Variants in WASL observed in about 807,000 individuals in gnomAD.
WASL encodes the protein actin nucleation-promoting factor WASL.
Under a neutral mutation model 55.5 loss-of-function variants are expected in WASL, and 20 were observed. That is an observed-to-expected ratio of 0.36 (90% CI 0.25 to 0.52). The LOEUF is 0.52. Among genes scored for constraint, WASL ranks in the 20% least tolerant of loss-of-function variants. The pLI is 0.92. For missense variants in WASL, 504 were observed against 622.5 expected (o/e 0.81, Z 2.03); for synonymous variants, 249 against 217.6 (o/e 1.14, Z -1.27).
rs1177988064 is a variant in WASL, at chr7:123,683,633, A to G, written c.*886T>C. Reference sequence around the variant, plus strand: ...TGCTAAAATTCTACAGTATTTTAGTACTATTCTGATTTGTATAGTTTTTTT... The same window carrying G: ...TGCTAAAATTCTACAGTATTTTAGTGCTATTCTGATTTGTATAGTTTTTTT... On this transcript the variant is annotated 3_prime_UTR_variant, in exon 11 of 11. Transcript: ENST00000223023. The G allele has an allele frequency of 6.6e-6, 1 of 152,062 alleles. No homozygotes were observed. Among genetic ancestry groups the G allele is most frequent in the East Asian group, 1.9e-4 (1 of 5,196 alleles). The allele number at this position is 152,062 out of a possible 1,614,324, so 9.4% of individuals were successfully genotyped here. A position where few individuals can be genotyped will look rare whatever the true frequency, so the allele number is the denominator to read the frequency against.
rs141640994 is a variant in WASL at position 123,692,533 on chromosome 7, G to A, written c.1161C>T (p.Pro387=). ...CCCCATCAGAAGGCAGGCCAGGCGG[G>A]GGCGGTGGCCCAGGAGGAGGTGGAG... ...PPPPPPPGPP[P]PPGLPSDGDH... Residue 387 remains proline (P), a synonymous_variant, in exon 9 of 11, where the codon CCC becomes CCT. Coordinates refer to ENST00000223023, the MANE Select transcript of WASL (RefSeq NM_003941.4). 1.5e-5 allele frequency: 25 copies of A among 1,613,970 alleles called. No homozygotes were observed. Among genetic ancestry groups the A allele is most frequent in the African/African-American group, 1.2e-4 (9 of 74,920 alleles).
At chr7:123,706,023 T>C (rs1199332167) in intron 4 of WASL, among the ~76,000 whole-genome samples, 1 of 152,198 alleles carries the variant, frequency 6.6e-6, no homozygotes, top group East Asian at 1.9e-4. Context: ...ATATTATTTA[T>C]TTTAAGGTAA....
chr7:123,739,127 C>G (rs560169561), intron 1 of WASL, among the ~76,000 whole-genome samples: 1 of 152,178 alleles, frequency 6.6e-6, no homozygotes, highest in African/African-American at 2.4e-5. Context: ...TTCCAATTTT[C>G]TTTCTCCAGA....
intron 1 of WASL, among the ~76,000 whole-genome samples, chr7:123,734,533 A>G (rs960064050): frequency 6.6e-6 from 1 of 151,430 alleles, no homozygotes; most frequent in African/African-American, 2.4e-5. Context: ...TATAAAGGCT[A>G]CATACTGTAT....
At chr7:123,712,606 A>C (rs958194252) in intron 1 of WASL, among the ~76,000 whole-genome samples, 1 of 152,220 alleles carries the variant, frequency 6.6e-6, no homozygotes, top group Non-Finnish European at 1.5e-5. Context: ...CTGTATCTTT[A>C]AGTATGAAAT....
chr7:123,722,581 G>T (rs1214271950), intron 1 of WASL, among the ~76,000 whole-genome samples: 2 of 152,172 alleles, frequency 1.3e-5, no homozygotes, highest in Non-Finnish European at 1.5e-5. Flanking sequence ...ACATTGGGAG[G>T]CTGAGGCAGG....
chr7:123,710,427 A>G (rs1803736436), intron 1 of WASL, among the ~76,000 whole-genome samples: 1 of 152,100 alleles, frequency 6.6e-6, no homozygotes, highest in Non-Finnish European at 1.5e-5. Flanking sequence ...GACTACATTA[A>G]GATTTGAAGA....
chr7:123,709,198 A>T lies in WASL; in HGVS notation c.143T>A (p.Leu48Ter). The T allele has an allele frequency of 6.2e-7, 1 of 1,610,472 alleles. No homozygotes were observed. Among genetic ancestry groups the T allele is most frequent in the Non-Finnish European group, 8.5e-7 (1 of 1,178,046 alleles). ...CVTMSSAVVQ[L>*]YAADRNCMWS... is the part of the protein sequence containing the mutation. ...CATACAGTTCCGATCTGCTGCATAT[A>T]ACTGCACCACTGCTGAAGACATAGT... The change falls in exon 2 of 11, where the codon TTA becomes TAA. Residue 48 changes from leucine (L) to a stop codon, truncating the protein, a stop_gained. Coordinates refer to ENST00000223023, the MANE Select transcript of WASL (RefSeq NM_003941.4). LOFTEE classifies it high-confidence loss of function.
In WASL at chr7:123,685,863, TATAA is replaced by T. The variant is rs1167920686; in HGVS notation, c.1457-1287_1457-1284del. ...AAATATATAAATACATATACCTATATATAAATATATAAATATATATAAATATGTA... is the reference window on the plus strand; with the variant it reads ...AAATATATAAATACATATACCTATATATATATAAATATATATAAATATGTA... On this transcript the variant is annotated intron_variant, in intron 10 of 10. Coordinates refer to ENST00000223023, the MANE Select transcript of WASL (RefSeq NM_003941.4). Among the ~76,000 whole-genome samples the T allele has an allele frequency of 7.2e-5, 10 of 138,230 alleles. No individual in the cohort carries two copies. In the South Asian group the frequency reaches 1.1e-3, roughly 15 times the overall value. The allele number at this position is 138,230 out of a possible 152,430, so 90.7% of individuals were successfully genotyped here.
At chr7:123,687,804 T>C (rs1803318305) in intron 10 of WASL, among the ~76,000 whole-genome samples, 1 of 152,112 alleles carries the variant, frequency 6.6e-6, no homozygotes, top group Non-Finnish European at 1.5e-5. Context: ...AATATTTATC[T>C]CTATCTCTGT....
intron 1 of WASL, among the ~76,000 whole-genome samples, chr7:123,711,158 A>G (rs1803748922): frequency 6.6e-6 from 1 of 152,258 alleles, no homozygotes; most frequent in African/African-American, 2.4e-5. Flanking sequence ...GTTATTCAAT[A>G]GGGTCTGAAA....
intron 1 of WASL, among the ~76,000 whole-genome samples, chr7:123,728,758 C>T (rs1364474389): frequency 1.3e-5 from 2 of 151,982 alleles, no homozygotes; most frequent in Admixed American, 6.5e-5. Flanking sequence ...ATCGCTTGAA[C>T]GTGGGTGGCG....
chr7:123,696,631 C>A lies in WASL; in HGVS notation c.577G>T (p.Ala193Ser), dbSNP rs1343152519. Reference sequence around the variant, plus strand: ...GCCTTGGTTAATCTCTTCTTTTTAGCTTTTCCCTTCTTCTTTTCTTTGGTA... The same window carrying A: ...GCCTTGGTTAATCTCTTCTTTTTAGATTTTCCCTTCTTCTTTTCTTTGGTA... ...SHTKEKKKGK[A>S]KKKRLTKADI... Residue 193 changes from alanine to serine, a missense_variant, in exon 6 of 11, where the codon GCT becomes TCT. By Grantham distance (99) the Ala-to-Ser change is moderately conservative (BLOSUM62 1). Coordinates refer to ENST00000223023, the MANE Select transcript of WASL (RefSeq NM_003941.4). 3 of 1,600,884 alleles carry A rather than the reference C, an allele frequency of 1.9e-6. No individual in the cohort carries two copies. The highest frequency in any genetic ancestry group is 2.6e-6 in the Non-Finnish European group (3 of 1,173,360).
intron 1 of WASL, among the ~76,000 whole-genome samples, chr7:123,740,245 C>T (rs1423351709): frequency 6.6e-6 from 1 of 151,710 alleles, no homozygotes; most frequent in Non-Finnish European, 1.5e-5. Flanking sequence ...CATTTGATCA[C>T]ATTTTCTTGA....
intron 1 of WASL, among the ~76,000 whole-genome samples, chr7:123,730,056 G>C (rs1804113151): frequency 6.6e-6 from 1 of 152,084 alleles, no homozygotes; most frequent in Non-Finnish European, 1.5e-5. Context: ...TGAAAGAGTT[G>C]AGTGAAATAT....
intron 4 of WASL, among the ~76,000 whole-genome samples, chr7:123,705,872 G>A (rs185146605): frequency 7.9e-5 from 12 of 152,120 alleles, no homozygotes; most frequent in African/African-American, 1.4e-4. Flanking sequence ...TGTTTACAAA[G>A]TATAAAATAC....
intron 5 of WASL, 28 bp downstream of exon 5, chr7:123,704,606 A>G: frequency 1.3e-6 from 2 of 1,501,258 alleles, no homozygotes; most frequent in African/African-American, 2.8e-5. Context: ...TAAAATCTTA[A>G]AAGATTAATA....
In WASL at chr7:123,697,753, C is replaced by T. The variant is rs143713109; in HGVS notation, c.461-1006G>A. Among the ~76,000 whole-genome samples, 153 of 152,322 alleles carry T rather than the reference C, an allele frequency of 1.0e-3. 1 individual carries two copies. In the Middle Eastern group the frequency reaches 0.014, roughly 14 times the overall value. The stretch of plus-strand genomic sequence containing the variant: ...TGCAAGGTTGGCCCTCAGTTGACCA[C>T]TTGGGAAGTTGGATTTCAAGAGGGT... On this transcript the variant is annotated intron_variant, in intron 5 of 10. Transcript: ENST00000223023.
intron 1 of WASL, among the ~76,000 whole-genome samples, chr7:123,738,141 A>T (rs1379565651): frequency 6.6e-6 from 1 of 151,176 alleles, no homozygotes; most frequent in Non-Finnish European, 1.5e-5. Flanking sequence ...GACTGTCTAC[A>T]GGGAAAACTA....
Sources: allele counts gnomAD v4.1 joint callset (sites outside exome capture counted in the v4.1 genomes callset), GRCh38; gene constraint gnomAD v4.1.1; transcripts MANE v1.5; gene names NCBI Gene and HGNC (gene_info 2026-07-23, HGNC 2026-07-21).